PFKFB1: variants seen among roughly 807,000 people sequenced by gnomAD.
PFKFB1 encodes 6-phosphofructo-2-kinase/fructose-2,6-biphosphatase 1, also known as 6-phosphofructo-2-kinase/fructose-2,6-bisphosphatase 1.
In PFKFB1, 34 loss-of-function variants were observed where a neutral mutation model predicts 46.4. That is an observed-to-expected ratio of 0.73 (90% CI 0.56 to 0.98). PFKFB1 has a LOEUF of 0.98. Among genes scored for constraint, PFKFB1 ranks in the 50% least tolerant of loss-of-function variants. The pLI, the probability that PFKFB1 is intolerant of heterozygous loss-of-function variation, is 0.00. For missense variants in PFKFB1, 393 were observed against 376.3 expected (o/e 1.04, Z -0.37); for synonymous variants, 119 against 133.8 (o/e 0.89, Z 0.76).
At chrX:54,951,256 G>A (rs1848283623) in intron 8 of PFKFB1, among the ~76,000 whole-genome samples, 1 of 112,360 alleles carries the variant, frequency 8.9e-6, no homozygotes, top group African/African-American at 3.2e-5. Flanking sequence ...AAGATACTCA[G>A]GCCAGGAGAG....
rs372615143 is a variant in PFKFB1 at position 54,993,941 on chromosome X, C to T, written c.67G>A (p.Gly23Ser). 18 of 1,205,017 alleles carry T rather than the reference C, an allele frequency of 1.5e-5. No homozygotes were observed. The highest frequency in any genetic ancestry group is 1.2e-4 in the African/African-American group (7 of 57,024). ...CTTCTCCGTTGCAGCCTGCTGCTGCCGCTGCTGTGTGGAATCCAGATCTTC... is the reference window on the plus strand; with the variant it reads ...CTTCTCCGTTGCAGCCTGCTGCTGCTGCTGCTGTGTGGAATCCAGATCTTC... The part of the protein sequence containing the change: ...LQKIWIPHSS[G>S]SSRLQRRRGS... The change falls in exon 1 of 14, where the codon GGC (glycine) becomes AGC (serine). Residue 23 changes from glycine (G) to serine (S), a missense_variant. Coordinates refer to ENST00000375006, the MANE Select transcript of PFKFB1 (RefSeq NM_002625.4).
Position 54,960,886 on chromosome X carries a change from T to C in PFKFB1, c.255A>G (p.Ala85=), listed in dbSNP as rs1417322396. 8.4e-7 allele frequency: 1 copy of C among 1,192,069 alleles called. No homozygotes were observed. The highest frequency in any genetic ancestry group is 2.2e-5 in the Admixed American group (1 of 45,623). Residue 85 remains alanine (A), a synonymous_variant, in exon 3 of 14, where the codon GCA becomes GCG. Transcript: ENST00000375006. The stretch of plus-strand genomic sequence containing the variant: ...AGAATTCATAGTTCTTGTAGCTCAC[T>C]GCCTCTCGTCGATACTGGCCTAAAT... ...VFNLGQYRRE[A]VSYKNYEFFL...
intron 10 of PFKFB1, among the ~76,000 whole-genome samples, chrX:54,941,244 A>G (rs771690551): frequency 8.9e-6 from 1 of 112,326 alleles, no homozygotes; most frequent in East Asian, 2.8e-4. Context: ...AATTAATTCA[A>G]GATGGATGAA....
intron 1 of PFKFB1, among the ~76,000 whole-genome samples, chrX:54,972,252 G>T (rs1328448239): frequency 3.6e-5 from 4 of 110,530 alleles, no homozygotes; most frequent in Non-Finnish European, 7.6e-5. Context: ...AGACAATGGG[G>T]TTTTCTAGAT....
intron 1 of PFKFB1, among the ~76,000 whole-genome samples, chrX:54,988,025 T>A (rs1935149519): frequency 9.0e-6 from 1 of 111,311 alleles, no homozygotes; most frequent in Non-Finnish European, 1.9e-5. Flanking sequence ...AAAAGGCATC[T>A]GGATTGGAAA....
intron 1 of PFKFB1, among the ~76,000 whole-genome samples, chrX:54,964,996 G>A (rs780449653): frequency 1.9e-4 from 21 of 111,000 alleles, no homozygotes; most frequent in South Asian, 7.5e-4. Flanking sequence ...GAAATGCAAA[G>A]AGAAAAAAAG....
rs1569546571 is a variant in PFKFB1, at chrX:54,934,517, C to G, written c.1291+430G>C. ...CTTACTCCAGGCTTCAGTAGGTCATCTGCCCTGTTCGCACCCCAGAATAGA... is the reference window on the plus strand; with the variant it reads ...CTTACTCCAGGCTTCAGTAGGTCATGTGCCCTGTTCGCACCCCAGAATAGA... On this transcript the variant is annotated intron_variant, in intron 12 of 13. Coordinates refer to ENST00000375006, the MANE Select transcript of PFKFB1 (RefSeq NM_002625.4). 2.7e-5 allele frequency among the ~76,000 whole-genome samples: 3 copies of G among 111,837 alleles called. 1 individual carries two copies. In the Admixed American group the frequency reaches 2.8e-4, roughly 11 times the overall value.
At chrX:54,949,642 C>G (rs886321009) in intron 8 of PFKFB1, among the ~76,000 whole-genome samples, 3 of 112,118 alleles carry the variant, frequency 2.7e-5, no homozygotes, top group African/African-American at 9.7e-5. Flanking sequence ...TTGTGGATAA[C>G]CAAGTCACAT....
At chrX:54,942,993 G>A (rs1404558049) in intron 10 of PFKFB1, among the ~76,000 whole-genome samples, 3 of 111,316 alleles carry the variant, frequency 2.7e-5, no homozygotes, top group Admixed American at 9.6e-5. Flanking sequence ...AAAGTTAGGA[G>A]ACATGAAGAA....
intron 10 of PFKFB1, among the ~76,000 whole-genome samples, chrX:54,940,529 G>A: frequency 8.9e-6 from 1 of 111,921 alleles, no homozygotes; most frequent in Middle Eastern, 4.6e-3. Context: ...AAGCTGATAA[G>A]CAACTTCAGC....
At chrX:54,995,943 A>T (rs1935350845), upstream of PFKFB1, among the ~76,000 whole-genome samples, 1 of 112,346 alleles carries the variant, frequency 8.9e-6, no homozygotes, top group Non-Finnish European at 1.9e-5. Context: ...TACTCTTTTG[A>T]TTTTGTGTAA....
chrX:54,957,815 C>T (rs1257056074), intron 6 of PFKFB1, among the ~76,000 whole-genome samples: 1 of 111,001 alleles, frequency 9.0e-6, no homozygotes, highest in East Asian at 2.8e-4. Context: ...TAGGGAACAA[C>T]AAAATGTGGT....
intron 9 of PFKFB1, among the ~76,000 whole-genome samples, chrX:54,947,432 C>T (rs866245910): frequency 3.6e-5 from 4 of 112,030 alleles, no homozygotes; most frequent in African/African-American, 1.3e-4. Flanking sequence ...AATGTTTATA[C>T]CACATGTGGG....
rs759859070 is a variant in PFKFB1 at position 54,977,425 on chromosome X, C to T, written c.98-14043G>A. Among the ~76,000 whole-genome samples the T allele has an allele frequency of 5.4e-3, 592 of 109,943 alleles. 3 individuals carry two copies. The highest frequency in any genetic ancestry group is 9.1e-3 in the Non-Finnish European group (475 of 52,451). The stretch of plus-strand genomic sequence containing the variant: ...ATAAATAAATAAACAAACAAACAAA[C>T]AAATAAATAAATAAATAAATAACTT... On this transcript the variant is annotated intron_variant, in intron 1 of 13. Coordinates refer to ENST00000375006, the MANE Select transcript of PFKFB1 (RefSeq NM_002625.4).
intron 6 of PFKFB1, among the ~76,000 whole-genome samples, chrX:54,957,105 T>C (rs963989936): frequency 2.7e-5 from 3 of 111,799 alleles, no homozygotes; most frequent in Admixed American, 1.9e-4. Flanking sequence ...CCCCAAATTA[T>C]TTCTTCATCC....
At chrX:54,935,095 C>T in intron 11 of PFKFB1, 86 bp from the exon 12 acceptor site, 3 of 705,527 alleles carry the variant, frequency 4.3e-6, no homozygotes, top group African/African-American at 2.1e-5. Flanking sequence ...CTGGATGCTC[C>T]CCATTCCATG....
intron 10 of PFKFB1, among the ~76,000 whole-genome samples, chrX:54,940,693 A>G (rs1464577749): frequency 2.7e-5 from 3 of 111,506 alleles, no homozygotes; most frequent in Non-Finnish European, 5.6e-5. Flanking sequence ...AGGGATGTGA[A>G]GGACCTCTTC....
chrX:54,976,435 T>C (rs181937747), intron 1 of PFKFB1, among the ~76,000 whole-genome samples: 15 of 111,633 alleles, frequency 1.3e-4, no homozygotes, highest in Non-Finnish European at 2.6e-4. Context: ...CACTTCAAGA[T>C]ACAGCTATTA....
chrX:54,948,291 A>C (rs189771360), intron 9 of PFKFB1, among the ~76,000 whole-genome samples: 71 of 111,825 alleles, frequency 6.3e-4, no homozygotes, highest in African/African-American at 2.2e-3. Flanking sequence ...CTCTGGTTCA[A>C]CATGCCCCCA....
Sources: gnomAD v4.1 joint callset for allele counts (sites outside exome capture counted in the v4.1 genomes callset) on GRCh38, gnomAD v4.1.1 for gene constraint, MANE v1.5 for transcripts, NCBI Gene and HGNC (gene_info 2026-07-23, HGNC 2026-07-21) for gene names.